Variants in FAAH2 observed in about 807,000 individuals in gnomAD.
FAAH2 encodes the protein fatty-acid amide hydrolase 2.
In FAAH2, 60 loss-of-function variants were observed where a neutral mutation model predicts 36.9. That is an observed-to-expected ratio of 1.63 (90% CI 1.32 to 2.02). The LOEUF is 2.02. FAAH2 is among the 30% of genes most tolerant of loss of function. The probability of loss-of-function intolerance (pLI) is 0.00; values close to 1 mark genes in which losing one functional copy is unlikely to be tolerated. For missense variants in FAAH2, 689 were observed against 397.5 expected (o/e 1.73, Z -6.23); for synonymous variants, 214 against 143.8 (o/e 1.49, Z -3.49).
chrX:57,478,161 A>G (rs2057306756), intron 10 of FAAH2, among the ~76,000 whole-genome samples: 1 of 111,715 alleles, frequency 9.0e-6, no homozygotes, highest in African/African-American at 3.3e-5. Flanking sequence ...TTGTTTCCTG[A>G]CTTTTTAATG....
At chrX:57,195,298 GCCATT>G in the FAAH2 span, among the ~76,000 whole-genome samples, 1 of 110,574 alleles carries the variant, frequency 9.0e-6, no homozygotes, top group Non-Finnish European at 1.9e-5. Flanking sequence ...TTAAATTATC[GCCATT>G]CTTGTAGGAG....
At chrX:57,368,041 T>C (rs1353732813) in intron 5 of FAAH2, among the ~76,000 whole-genome samples, 1 of 111,413 alleles carries the variant, frequency 9.0e-6, no homozygotes, top group East Asian at 2.8e-4. Context: ...ACCATGCTCA[T>C]ACCTAGTAGT....
intron 5 of FAAH2, among the ~76,000 whole-genome samples, chrX:57,348,057 T>C (rs957200702): frequency 2.7e-5 from 3 of 110,678 alleles, no homozygotes; most frequent in Non-Finnish European, 5.7e-5. Context: ...TGCCTACATT[T>C]CCTATTTTAG....
intron 5 of FAAH2, among the ~76,000 whole-genome samples, chrX:57,364,158 A>C (rs1192617668): frequency 9.2e-6 from 1 of 108,677 alleles, no homozygotes; most frequent in African/African-American, 3.3e-5. Context: ...TACATCTGGC[A>C]GAATTTGGCT....
the FAAH2 span, among the ~76,000 whole-genome samples, chrX:57,170,935 C>T: frequency 1.8e-5 from 2 of 110,211 alleles, no homozygotes; most frequent in Non-Finnish European, 3.8e-5. Flanking sequence ...GTTTCGAACT[C>T]CTGACCTTAA....
At chrX:57,456,997 T>TA (rs975127238) in intron 10 of FAAH2, among the ~76,000 whole-genome samples, 33 of 109,578 alleles carry the variant, frequency 3.0e-4, no homozygotes, top group Middle Eastern at 4.2e-3. Flanking sequence ...TAAAGTAAAA[T>TA]AAAAAAAAAT....
At chrX:57,342,751 G>GT (rs2053719071) in intron 5 of FAAH2, among the ~76,000 whole-genome samples, 1 of 110,815 alleles carries the variant, frequency 9.0e-6, no homozygotes, top group Non-Finnish European at 1.9e-5. Context: ...CTGATAGGTA[G>GT]TTTTTTGATC....
intron 3 of FAAH2, 98 bp downstream of exon 3, chrX:57,310,827 A>T: frequency 1.1e-6 from 1 of 885,382 alleles, no homozygotes; most frequent in Non-Finnish European, 1.5e-6. Flanking sequence ...AGTGAAGGAC[A>T]AACTCATGCT....
chrX:57,487,134 T>A (rs1296500669), intron 10 of FAAH2, among the ~76,000 whole-genome samples: 1 of 110,851 alleles, frequency 9.0e-6, no homozygotes, highest in African/African-American at 3.3e-5. Flanking sequence ...CAAAAACTAA[T>A]GTAAAATAAA....
chrX:57,323,791 G>A (rs2053117994), intron 3 of FAAH2, among the ~76,000 whole-genome samples: 1 of 104,500 alleles, frequency 9.6e-6, no homozygotes, highest in African/African-American at 3.5e-5. Context: ...TTTGTAGGTT[G>A]CCTGTTCACT....
At chrX:57,361,072 C>G (rs1287736609) in intron 5 of FAAH2, among the ~76,000 whole-genome samples, 1 of 110,587 alleles carries the variant, frequency 9.0e-6, no homozygotes, top group Non-Finnish European at 1.9e-5. Flanking sequence ...TATCCAGTCT[C>G]TCCCTCCCTT....
chrX:57,275,545 T>A, the FAAH2 span, among the ~76,000 whole-genome samples: 1 of 112,216 alleles, frequency 8.9e-6, no homozygotes, highest in Non-Finnish European at 1.9e-5. Context: ...GCTGACATCA[T>A]AACGAGAGGA....
intron 5 of FAAH2, among the ~76,000 whole-genome samples, chrX:57,348,774 C>T (rs1427441870): frequency 9.0e-6 from 1 of 110,516 alleles, no homozygotes; most frequent in Admixed American, 9.7e-5. Flanking sequence ...TATAGAAACA[C>T]CTTCAGGAAA....
At chrX:57,380,035 C>T (rs962839872) in intron 6 of FAAH2, among the ~76,000 whole-genome samples, 2 of 110,766 alleles carry the variant, frequency 1.8e-5, no homozygotes, top group African/African-American at 6.6e-5. Context: ...TATTTTGAAG[C>T]AGTCATGTAA....
chrX:57,220,538 CACA>C, the FAAH2 span, among the ~76,000 whole-genome samples: 6 of 111,954 alleles, frequency 5.4e-5, no homozygotes, highest in Non-Finnish European at 7.5e-5. Context: ...CGTCAAACCC[CACA>C]ACAAGTCCTT....
chrX:57,418,834 AG>A (rs2055920442), intron 7 of FAAH2, among the ~76,000 whole-genome samples: 1 of 106,410 alleles, frequency 9.4e-6, no homozygotes, highest in Admixed American at 1.0e-4. Context: ...CTCGTCATTT[AG>A]CATTAGGTAT....
intron 7 of FAAH2, among the ~76,000 whole-genome samples, chrX:57,384,028 C>T (rs1459024462): frequency 8.9e-6 from 1 of 111,804 alleles, no homozygotes; most frequent in Non-Finnish European, 1.9e-5. Flanking sequence ...CACACATCTA[C>T]AGCTATCTGA....
the FAAH2 span, among the ~76,000 whole-genome samples, chrX:57,210,921 T>A: frequency 8.9e-6 from 1 of 112,658 alleles, no homozygotes; most frequent in Non-Finnish European, 1.9e-5. Flanking sequence ...AAATAGTCAA[T>A]GCATCTAAAA....
chrX:57,288,629 T>A (rs1280948635), intron 1 of FAAH2, among the ~76,000 whole-genome samples: 1 of 110,490 alleles, frequency 9.1e-6, no homozygotes, highest in Non-Finnish European at 1.9e-5. Context: ...GAATTACAGG[T>A]GTGAGCCACT....
Sources: gnomAD v4.1 joint callset for allele counts (sites outside exome capture counted in the v4.1 genomes callset) on GRCh38, gnomAD v4.1.1 for gene constraint, MANE v1.5 for transcripts, NCBI Gene and HGNC (gene_info 2026-07-23, HGNC 2026-07-21) for gene names.